Variants in ABCA6 observed in about 807,000 individuals in gnomAD.
ABCA6 encodes ATP binding cassette subfamily A member 6, also known as ATP-binding cassette sub-family A member 6.
Under a neutral mutation model 191.2 loss-of-function variants are expected in ABCA6, and 164 were observed. That is an observed-to-expected ratio of 0.86 (90% CI 0.76 to 0.98). The LOEUF is 0.98. Among genes scored for constraint, ABCA6 ranks in the 50% least tolerant of loss-of-function variants. The probability of loss-of-function intolerance (pLI) is 0.00; values close to 1 mark genes in which losing one functional copy is unlikely to be tolerated. For missense variants in ABCA6, 1,958 were observed against 1,894.1 expected (o/e 1.03, Z -0.63); for synonymous variants, 636 against 647.7 (o/e 0.98, Z 0.27).
At position 69,112,100 on chromosome 17, in the gene ABCA6, C is replaced by T; in HGVS notation, c.2132+83G>A. 6 of 1,012,798 alleles carry T rather than the reference C, an allele frequency of 5.9e-6. No individual in the cohort carries two copies. The South Asian group carries it at 6.6e-5, about 11-fold the overall frequency. 62.7% of individuals were successfully genotyped at this position (1,012,798 alleles called of 1,614,324 possible). Reference sequence around the variant, plus strand: ...AGTATGGTAGAGATGAAGCACGAGGCCAGTTCTGTTTCATAATTGTCCACC... The same window carrying T: ...AGTATGGTAGAGATGAAGCACGAGGTCAGTTCTGTTTCATAATTGTCCACC... On this transcript the variant is annotated intron_variant, in intron 16 of 38. Transcript: ENST00000284425.
chr17:69,140,517 C>A, intron 2 of ABCA6, 91 bp downstream of exon 2: 1 of 621,618 alleles, frequency 1.6e-6, no homozygotes. Flanking sequence ...TAAATCCCAT[C>A]TACTAATTAA....
intron 28 of ABCA6, among the ~76,000 whole-genome samples, chr17:69,087,912 C>T (rs185603046): frequency 1.1e-3 from 169 of 152,258 alleles, no homozygotes; most frequent in African/African-American, 4.0e-3. Context: ...GCACAATTAT[C>T]TCAGACGAGA....
intron 20 of ABCA6, among the ~76,000 whole-genome samples, chr17:69,103,642 G>A (rs1268529213): frequency 6.6e-6 from 1 of 152,004 alleles, no homozygotes. Flanking sequence ...CAATTTCCAG[G>A]ATACCTGAAC....
At chr17:69,126,066 A>G (rs1323009612) in intron 8 of ABCA6, among the ~76,000 whole-genome samples, 1 of 152,078 alleles carries the variant, frequency 6.6e-6, no homozygotes, top group Non-Finnish European at 1.5e-5. Flanking sequence ...AAAGTAGGAA[A>G]AAGAAATAAA....
chr17:69,119,583 CACATG>C (rs1321984096), intron 10 of ABCA6, among the ~76,000 whole-genome samples: 13 of 152,024 alleles, frequency 8.6e-5, no homozygotes, highest in African/African-American at 3.1e-4. Context: ...TACTTTGTAC[CACATG>C]AAGCAGCCAC....
chr17:69,107,220 A>G (rs1018448260), intron 18 of ABCA6, among the ~76,000 whole-genome samples: 2 of 152,150 alleles, frequency 1.3e-5, no homozygotes, highest in Non-Finnish European at 2.9e-5. Flanking sequence ...CATATATATC[A>G]ATGTATAGCC....
rs1457321102 is a variant in ABCA6, at chr17:69,115,463, C to T, written c.1519G>A (p.Gly507Ser). 6.2e-7 allele frequency: 1 copy of T among 1,610,732 alleles called. No homozygotes were observed. Among genetic ancestry groups the T allele is most frequent in the Non-Finnish European group, 8.5e-7 (1 of 1,178,350 alleles). ...LKGLLFDIYE[G>S]QITAILGHSG... ...TGACCCAGGATTGCCGTGATTTGAC[C>T]TTCATATATGTCAAAGAGCAAGCCT... Residue 507 changes from glycine to serine, a missense_variant, in exon 12 of 39, where the codon GGT (glycine) becomes AGT (serine). By Grantham distance (56) the Gly-to-Ser change is moderately conservative. Coordinates refer to ENST00000284425, the MANE Select transcript of ABCA6 (RefSeq NM_080284.3).
chr17:69,125,200 T>C (rs1443033388), intron 8 of ABCA6, among the ~76,000 whole-genome samples, 165 bp from the exon 9 acceptor site: 2 of 151,760 alleles, frequency 1.3e-5, no homozygotes, highest in Non-Finnish European at 2.9e-5. Context: ...AATATTTCTA[T>C]TTTACAATGA....
intron 3 of ABCA6, 103 bp downstream of exon 3, chr17:69,137,193 T>A: frequency 9.3e-7 from 1 of 1,074,348 alleles, no homozygotes; most frequent in Non-Finnish European, 1.4e-6. Context: ...ACTTAAGTTA[T>A]TAGCATAATA....
At chr17:69,126,018 C>G (rs564142659) in intron 8 of ABCA6, among the ~76,000 whole-genome samples, 6 of 152,044 alleles carry the variant, frequency 3.9e-5, no homozygotes, top group Admixed American at 2.0e-4. Context: ...GCCTGCATTT[C>G]TATTCATTAT....
chr17:69,096,824 AAAG>A, intron 23 of ABCA6, 23 bp from the exon 24 acceptor site: 9 of 1,505,328 alleles, frequency 6.0e-6, no homozygotes, highest in Non-Finnish European at 8.0e-6. Flanking sequence ...AAAAAGAAAG[AAAG>A]AAATGTATAT....
At chr17:69,109,537 A>G (rs2073378372) in intron 17 of ABCA6, 1 of 152,198 alleles carries the variant, frequency 6.6e-6, no homozygotes, top group African/African-American at 2.4e-5. Flanking sequence ...ATCCTGCCTT[A>G]TCTACAGTTT....
intron 25 of ABCA6, chr17:69,095,100 G>A (rs2073016833): frequency 4.8e-6 from 1 of 208,480 alleles, no homozygotes; most frequent in African/African-American, 2.3e-5. Context: ...ATACAAGAGT[G>A]CTGACTGAAA....
rs147236585 is a variant in ABCA6, at chr17:69,088,039, A to T, written c.3698+128T>A. 3.5e-4 allele frequency: 291 copies of T among 822,360 alleles called. 2 individuals carry two copies. In the African/African-American group the frequency reaches 4.2e-3, roughly 12 times the overall value. The allele number at this position is 822,360 out of a possible 1,614,324, so 50.9% of individuals were successfully genotyped here. A position where few individuals can be genotyped will look rare whatever the true frequency, so the allele number is the denominator to read the frequency against. On this transcript the variant is annotated intron_variant, in intron 28 of 38. Transcript: ENST00000284425. ...TCTTGGCAGTAAGGCAGCAATCCACATTCCCTAATGACAATCAACATGTGC... is the reference window on the plus strand; with the variant it reads ...TCTTGGCAGTAAGGCAGCAATCCACTTTCCCTAATGACAATCAACATGTGC...
chr17:69,124,088 G>T (rs1203973295), intron 9 of ABCA6, among the ~76,000 whole-genome samples: 1 of 151,836 alleles, frequency 6.6e-6, no homozygotes, highest in East Asian at 1.9e-4. Flanking sequence ...ATATATTCCT[G>T]CTTAGGCATG....
At position 69,117,829 on chromosome 17, in the gene ABCA6, T is replaced by C. The variant is rs889009828; in HGVS notation, c.1495+69A>G. On this transcript the variant is annotated intron_variant, in intron 11 of 38. Coordinates refer to ENST00000284425, the MANE Select transcript of ABCA6 (RefSeq NM_080284.3). The stretch of plus-strand genomic sequence containing the variant: ...TCTACATATTTCAAATTTTTTCACA[T>C]TGAATGTTTCCCTTTTTTATAATAA... 5 of 1,196,762 alleles carry C rather than the reference T, an allele frequency of 4.2e-6. No individual in the cohort carries two copies. The African/African-American group carries it at 4.7e-5, about 11-fold the overall frequency. 74.1% of individuals were successfully genotyped at this position (1,196,762 alleles called of 1,614,324 possible).
chr17:69,084,946 C>T (rs1475100212), intron 32 of ABCA6, 82 bp downstream of exon 32: 5 of 1,474,278 alleles, frequency 3.4e-6, no homozygotes, highest in Non-Finnish European at 3.6e-6. Context: ...TATTGACTCT[C>T]GGTTCTTTAT....
intron 4 of ABCA6, 39 bp from the exon 5 acceptor site, chr17:69,134,781 C>T (rs374609505): frequency 1.8e-5 from 25 of 1,378,416 alleles, no homozygotes; most frequent in Middle Eastern, 3.6e-4. Context: ...CATTATGGGA[C>T]GAGGGCAGTT....
chr17:69,125,114 A>G, intron 8 of ABCA6, 79 bp from the exon 9 acceptor site: 1 of 770,452 alleles, frequency 1.3e-6, no homozygotes, highest in Non-Finnish European at 1.8e-6. Flanking sequence ...GTATTAATTT[A>G]TTAACTAGCT....
Sources: gnomAD v4.1 joint callset for allele counts (sites outside exome capture counted in the v4.1 genomes callset) on GRCh38, gnomAD v4.1.1 for gene constraint, MANE v1.5 for transcripts, NCBI Gene and HGNC (gene_info 2026-07-23, HGNC 2026-07-21) for gene names.